The following MYO1D variants were observed in gnomAD, a reference collection of about 807,000 sequenced individuals.
MYO1D encodes the protein myosin ID.
MYO1D carries 83 observed loss-of-function variants against 122.0 expected under a neutral mutation model. The ratio of observed to expected loss-of-function variants is 0.68; its 90% CI spans 0.57 to 0.82. The LOEUF (loss-of-function observed/expected upper bound fraction) is 0.82, where lower values mean the gene tolerates loss of function less well. MYO1D is among the 40% of genes least tolerant of loss of function. The probability of loss-of-function intolerance (pLI) is 0.00; values close to 1 mark genes in which losing one functional copy is unlikely to be tolerated. For synonymous variants in MYO1D, 464 were observed against 446.9 expected (o/e 1.04, Z -0.48); for missense variants, 1,157 against 1,269.5 (o/e 0.91, Z 1.35).
intron 21 of MYO1D, among the ~76,000 whole-genome samples, chr17:32,575,000 CA>C (rs757470051): frequency 3.3e-5 from 5 of 152,112 alleles, no homozygotes; most frequent in Non-Finnish European, 7.4e-5. Flanking sequence ...ATAAATAAGA[CA>C]GTTTATGTAA....
chr17:32,564,535 TC>T (rs1204242608), intron 21 of MYO1D, among the ~76,000 whole-genome samples: 1 of 152,228 alleles, frequency 6.6e-6, no homozygotes, highest in African/African-American at 2.4e-5. Flanking sequence ...CTACCTGCTT[TC>T]CTTCCTTCCC....
At chr17:32,738,186 A>C (rs1490811773) in intron 14 of MYO1D, 67 bp downstream of exon 14, 1 of 1,349,736 alleles carries the variant, frequency 7.4e-7, no homozygotes, top group African/African-American at 1.5e-5. Flanking sequence ...TCATACATAC[A>C]TTCTTTATAA....
At chr17:32,783,497 T>A (rs548850315) in intron 1 of MYO1D, among the ~76,000 whole-genome samples, 13 of 152,326 alleles carry the variant, frequency 8.5e-5, no homozygotes, top group African/African-American at 2.9e-4. Context: ...GGGTCCAGCC[T>A]GGACAACACA....
intron 8 of MYO1D, among the ~76,000 whole-genome samples, chr17:32,763,616 T>C (rs2090024830): frequency 6.6e-6 from 1 of 152,046 alleles, no homozygotes; most frequent in African/African-American, 2.4e-5. Flanking sequence ...AATCAGTAAA[T>C]TTAAAGTTTA....
chr17:32,808,017 G>A (rs1302651187), intron 1 of MYO1D, among the ~76,000 whole-genome samples: 4 of 152,112 alleles, frequency 2.6e-5, no homozygotes, highest in African/African-American at 9.7e-5. Context: ...TATAAACAAT[G>A]TTATCATTAA....
chr17:32,783,984 A>T (rs1363745102), intron 1 of MYO1D, among the ~76,000 whole-genome samples: 1 of 152,238 alleles, frequency 6.6e-6, no homozygotes, highest in Non-Finnish European at 1.5e-5. Context: ...CCTGGGAATT[A>T]AAAAAGGAGT....
At chr17:32,722,906 C>G (rs1222017359) in intron 14 of MYO1D, among the ~76,000 whole-genome samples, 5 of 151,890 alleles carry the variant, frequency 3.3e-5, no homozygotes, top group Non-Finnish European at 5.9e-5. Flanking sequence ...AGCTGGTCAC[C>G]AGAAAACTCC....
intron 13 of MYO1D, among the ~76,000 whole-genome samples, chr17:32,739,478 C>T (rs974073653): frequency 3.1e-5 from 4 of 129,470 alleles, no homozygotes; most frequent in Non-Finnish European, 1.5e-5. Context: ...GAACGTCACA[C>T]ACCAAGGCCT....
chr17:32,818,302 T>G (rs1043391636), intron 1 of MYO1D, among the ~76,000 whole-genome samples: 37 of 152,210 alleles, frequency 2.4e-4, no homozygotes, highest in African/African-American at 8.9e-4. Context: ...GGATCGCTGC[T>G]GCCCCTGCAG....
chr17:32,520,427 T>TG (rs1270817036), intron 21 of MYO1D, among the ~76,000 whole-genome samples: 2 of 152,254 alleles, frequency 1.3e-5, no homozygotes, highest in African/African-American at 4.8e-5. Flanking sequence ...GGGGAGGTTT[T>TG]GAAAACTCAG....
At chr17:32,572,307 G>A (rs1377618369) in intron 21 of MYO1D, among the ~76,000 whole-genome samples, 2 of 151,964 alleles carry the variant, frequency 1.3e-5, no homozygotes, top group Non-Finnish European at 2.9e-5. Flanking sequence ...CTCCAACACT[G>A]ATCTCTGGAT....
chr17:32,772,359 T>C (rs374632194), intron 5 of MYO1D, among the ~76,000 whole-genome samples: 3 of 152,248 alleles, frequency 2.0e-5, no homozygotes, highest in South Asian at 4.1e-4. Flanking sequence ...AGTAATCATA[T>C]TGCTTTTAGT....
intron 1 of MYO1D, among the ~76,000 whole-genome samples, chr17:32,791,214 A>C (rs1488497712): frequency 6.6e-6 from 1 of 151,974 alleles, no homozygotes; most frequent in African/African-American, 2.4e-5. Flanking sequence ...AAATACAAAA[A>C]TTAATTGGGC....
At chr17:32,684,705 T>C (rs930814433) in intron 16 of MYO1D, among the ~76,000 whole-genome samples, 1 of 152,138 alleles carries the variant, frequency 6.6e-6, no homozygotes, top group African/African-American at 2.4e-5. Context: ...GCAGCTGTCA[T>C]GTATTTTCTC....
At position 32,607,953 on chromosome 17, in the gene MYO1D, A is replaced by C. The variant is rs111458950; in HGVS notation, c.2710-2712T>G. On this transcript the variant is annotated intron_variant, in intron 20 of 21. Coordinates refer to ENST00000318217, the MANE Select transcript of MYO1D (RefSeq NM_015194.3). ...ACACCCCCATGCAAACGGAAATAAA[A>C]GTCTACCTAAATCTCACATCTCGTA... Among the ~76,000 whole-genome samples, 713 of 152,350 alleles carry C rather than the reference A, an allele frequency of 4.7e-3. 9 individuals carry two copies. Among genetic ancestry groups the C allele is most frequent in the African/African-American group, 0.017 (687 of 41,584 alleles).
Position 32,494,372 on chromosome 17 carries a change from CCT to C in MYO1D, c.*385_*386del. On this transcript the variant is annotated 3_prime_UTR_variant, in exon 22 of 22. Transcript: ENST00000318217. ...CTATGGGGCTCCCGCAGAGTGGGGT[CCT>C]GCATCCCCACCCCTTCCCTCTGCAG... The C allele has an allele frequency of 1.1e-5, 2 of 180,152 alleles. No individual in the cohort carries two copies. The highest frequency in any genetic ancestry group is 2.3e-5 in the Non-Finnish European group (2 of 85,798). The allele number at this position is 180,152 out of a possible 1,614,324, so 11.2% of individuals were successfully genotyped here. A position where few individuals can be genotyped will look rare whatever the true frequency, so the allele number is the denominator to read the frequency against.
intron 20 of MYO1D, among the ~76,000 whole-genome samples, chr17:32,613,689 G>C (rs890149919): frequency 6.9e-4 from 101 of 145,908 alleles, no homozygotes; most frequent in African/African-American, 2.3e-3. Flanking sequence ...CAGGAGAATC[G>C]CATGAACCAG....
chr17:32,694,707 C>CAAAAA (rs58606294), intron 16 of MYO1D, among the ~76,000 whole-genome samples: 1,138 of 55,846 alleles, frequency 0.02, 82 homozygotes, highest in East Asian at 0.14. Context: ...GACTCCGTCT[C>CAAAAA]AAAAAAAAAA....
intron 21 of MYO1D, among the ~76,000 whole-genome samples, chr17:32,576,789 T>C (rs1474986109): frequency 6.6e-6 from 1 of 152,212 alleles, no homozygotes; most frequent in Non-Finnish European, 1.5e-5. Flanking sequence ...CTCAAGTAGC[T>C]AGGACTACAG....
Sources: gnomAD v4.1 joint callset for allele counts (sites outside exome capture counted in the v4.1 genomes callset) on GRCh38, gnomAD v4.1.1 for gene constraint, MANE v1.5 for transcripts, NCBI Gene and HGNC (gene_info 2026-07-23, HGNC 2026-07-21) for gene names.